Variants in PLPP1 observed in about 807,000 individuals in gnomAD.
PLPP1 encodes phospholipid phosphatase 1, also known as lipid phosphate phosphohydrolase 1a.
A neutral mutation model predicts 31.2 loss-of-function variants in PLPP1; 24 were observed. The ratio of observed to expected loss-of-function variants is 0.77; its 90% CI spans 0.56 to 1.08. The LOEUF is 1.08. PLPP1 is among the 50% of genes least tolerant of loss of function. The probability of loss-of-function intolerance (pLI) is 0.00; values close to 1 mark genes in which losing one functional copy is unlikely to be tolerated. For synonymous variants in PLPP1, 146 were observed against 126.3 expected (o/e 1.16, Z -1.05); for missense variants, 319 against 342.7 (o/e 0.93, Z 0.55).
chr5:55,425,784 T>G, intron 5 of PLPP1, 79 bp downstream of exon 5: 1 of 1,238,400 alleles, frequency 8.1e-7, no homozygotes, highest in South Asian at 1.8e-5. Flanking sequence ...AGCTGGGGAT[T>G]TTTTGGATTT....
chr5:55,467,777 C>G (rs1423970282), intron 3 of PLPP1, 92 bp downstream of exon 3: 1 of 1,359,470 alleles, frequency 7.4e-7, no homozygotes, highest in Admixed American at 2.4e-5. Context: ...ACTAACTTCT[C>G]TTTTTAAGTG....
intron 1 of PLPP1, among the ~76,000 whole-genome samples, chr5:55,511,661 T>TG (rs1657250982): frequency 3.1e-5 from 3 of 98,174 alleles, no homozygotes; most frequent in African/African-American, 1.0e-4. Context: ...TTTTTTTTTT[T>TG]TTTTTTTTTT....
At chr5:55,473,673 T>C (rs1752470149) in intron 2 of PLPP1, among the ~76,000 whole-genome samples, 1 of 152,094 alleles carries the variant, frequency 6.6e-6, no homozygotes, top group Admixed American at 6.5e-5. Flanking sequence ...TGTCTGTGTG[T>C]TTGAAAGAGG....
intron 1 of PLPP1, among the ~76,000 whole-genome samples, chr5:55,522,322 G>A (rs1211947631): frequency 2.0e-5 from 3 of 152,208 alleles, no homozygotes; most frequent in Non-Finnish European, 4.4e-5. Flanking sequence ...ACATCCTCCA[G>A]TATGATATAA....
chr5:55,466,634 C>G (rs1329611690), intron 3 of PLPP1, among the ~76,000 whole-genome samples: 1 of 151,620 alleles, frequency 6.6e-6, no homozygotes, highest in African/African-American at 2.4e-5. Flanking sequence ...ACCCGGGAGG[C>G]AGAGGCTGCA....
In PLPP1 at chr5:55,468,049, G is replaced by T. The variant is rs751578571; in HGVS notation, c.311C>A (p.Thr104Asn). The change falls in exon 3 of 6, where the codon ACC (threonine) becomes AAC (asparagine). Residue 104 changes from threonine (T) to asparagine (N), a missense_variant. Coordinates refer to ENST00000307259, the MANE Select transcript of PLPP1 (RefSeq NM_003711.4). The part of the protein sequence containing the change: ...YIATIYKAIG[T>N]FLFGAAASQS... ...ACTAGCAGCTGCACCAAATAAAAAG[G>T]TTCCAATGGCTTTGTAAATAGTGGC... 6.2e-7 allele frequency: 1 copy of T among 1,613,998 alleles called. No individual in the cohort carries two copies. The highest frequency in any genetic ancestry group is 8.5e-7 in the Non-Finnish European group (1 of 1,180,006).
At chr5:55,452,340 T>G (rs1751911605) in intron 3 of PLPP1, among the ~76,000 whole-genome samples, 1 of 152,190 alleles carries the variant, frequency 6.6e-6, no homozygotes, top group Non-Finnish European at 1.5e-5. Flanking sequence ...TCTCTTTCCC[T>G]GTCGCTCATG....
intron 4 of PLPP1, among the ~76,000 whole-genome samples, chr5:55,433,409 A>G (rs1448686225): frequency 7.4e-5 from 6 of 81,132 alleles, no homozygotes; most frequent in Non-Finnish European, 1.7e-4. Flanking sequence ...ATATGATCTT[A>G]TATGTAGAAA....
intron 1 of PLPP1, among the ~76,000 whole-genome samples, chr5:55,489,071 G>A (rs777031378): frequency 7.2e-5 from 11 of 152,060 alleles, no homozygotes; most frequent in East Asian, 5.8e-4. Context: ...GGCAGCGCAC[G>A]CCTATAGTCC....
chr5:55,471,224 C>T (rs1752407126), intron 2 of PLPP1, among the ~76,000 whole-genome samples: 2 of 141,708 alleles, frequency 1.4e-5, no homozygotes, highest in African/African-American at 5.3e-5. Context: ...TTTTTTGAGA[C>T]GGAGTCTTGC....
intron 3 of PLPP1, among the ~76,000 whole-genome samples, chr5:55,445,032 G>T (rs879361038): frequency 6.6e-6 from 1 of 152,148 alleles, no homozygotes; most frequent in Non-Finnish European, 1.5e-5. Flanking sequence ...TTACAGGCGT[G>T]AGCCACCGCG....
intron 4 of PLPP1, among the ~76,000 whole-genome samples, chr5:55,441,185 C>G (rs1328605047): frequency 6.6e-6 from 1 of 152,160 alleles, no homozygotes; most frequent in African/African-American, 2.4e-5. Flanking sequence ...ACTACATATT[C>G]ATCTCTAGTT....
chr5:55,490,866 G>A, intron 1 of PLPP1: 1 of 1,344,350 alleles, frequency 7.4e-7, no homozygotes. Flanking sequence ...CACTGGTGAA[G>A]ACAGTACTGT....
At chr5:55,490,561 T>C (rs997328447) in intron 1 of PLPP1, among the ~76,000 whole-genome samples, 1 of 152,184 alleles carries the variant, frequency 6.6e-6, no homozygotes, top group Non-Finnish European at 1.5e-5. Context: ...TCCTTTTTCA[T>C]GGCCTCAATT....
chr5:55,472,869 T>C (rs1496450), intron 2 of PLPP1, among the ~76,000 whole-genome samples: 130,151 of 152,152 alleles, frequency 0.86, 56,156 homozygotes, highest in South Asian at 0.92. Context: ...TGTCAGGCCC[T>C]GTGTAGGCCG....
At chr5:55,478,084 G>A (rs1247571169) in intron 1 of PLPP1, among the ~76,000 whole-genome samples, 1 of 151,974 alleles carries the variant, frequency 6.6e-6, no homozygotes, top group Non-Finnish European at 1.5e-5. Flanking sequence ...AAAACATATA[G>A]GCCCTAATAC....
intron 2 of PLPP1, 144 bp downstream of exon 2, chr5:55,475,155 C>T: frequency 1.3e-6 from 1 of 768,816 alleles, no homozygotes; most frequent in Non-Finnish European, 1.9e-6. Context: ...AGCTGAGATT[C>T]TCTTGATCAA....
intron 3 of PLPP1, among the ~76,000 whole-genome samples, chr5:55,447,818 G>C (rs1751800640): frequency 1.3e-5 from 2 of 152,172 alleles, no homozygotes; most frequent in Admixed American, 6.5e-5. Context: ...GTCTTCTTTA[G>C]AGACAGGGTC....
chr5:55,433,144 CAAAAAA>C (rs57495015), intron 4 of PLPP1, among the ~76,000 whole-genome samples: 217 of 125,278 alleles, frequency 1.7e-3, no homozygotes, highest in Admixed American at 2.2e-3. Flanking sequence ...CCCATCTCTA[CAAAAAA>C]AAAAAAAAAA....
Sources: gnomAD v4.1 joint callset for allele counts (sites outside exome capture counted in the v4.1 genomes callset) on GRCh38, gnomAD v4.1.1 for gene constraint, MANE v1.5 for transcripts, NCBI Gene and HGNC (gene_info 2026-07-23, HGNC 2026-07-21) for gene names.